MUC4: variants seen among roughly 807,000 people sequenced by gnomAD.
MUC4 encodes the protein mucin-4.
A neutral mutation model predicts 257.9 loss-of-function variants in MUC4; 202 were observed. That is an observed-to-expected ratio of 0.78 (90% CI 0.70 to 0.88). The LOEUF is 0.88. Ranked by LOEUF, MUC4 falls within the 40% of genes least tolerant of loss-of-function variation. MUC4 has a pLI of 0.00. For missense variants in MUC4, 5,976 were observed against 6,513.7 expected (o/e 0.92, Z 2.84); for synonymous variants, 2,351 against 2,757.1 (o/e 0.85, Z 4.62).
Position 195,789,038 on chromosome 3 carries a change from G to T in MUC4, c.2542C>A (p.Leu848Met), listed in dbSNP as rs1217712509. 2 of 1,613,738 alleles carry T rather than the reference G, an allele frequency of 1.2e-6. No homozygotes were observed. Among genetic ancestry groups the T allele is most frequent in the African/African-American group, 1.3e-5 (1 of 74,890 alleles). Residue 848 changes from leucine (L) to methionine (M), a missense_variant, in exon 2 of 25, where the codon CTG becomes ATG. Transcript: ENST00000463781. Reference protein sequence around the residue: ...SHTTQSTTELLSASASHGAIP... With the variant: ...SHTTQSTTELMSASASHGAIP... ...GCACCATGACTGGCTGAGGCGGACA[G>T]CAATTCGGTTGTTGACTGGGTTGTG... is the stretch of plus-strand genomic sequence containing the variant.
rs1560224138 is a variant in MUC4, at chr3:195,754,123, GGAGA to G, written c.15328+86_15328+89del. On this transcript the variant is annotated intron_variant, in intron 19 of 24. Transcript: ENST00000463781. ...GCATTCTAAAGATCTGCTGGAAAAAGGAGAGAAATGGTTTGCCTTTGGCTGTCTA... is the reference window on the plus strand; with the variant it reads ...GCATTCTAAAGATCTGCTGGAAAAAGGAAATGGTTTGCCTTTGGCTGTCTA... 1.7e-5 allele frequency: 24 copies of G among 1,450,124 alleles called. No individual in the cohort carries two copies. The East Asian group carries it at 5.7e-4, about 34-fold the overall frequency. 89.8% of individuals were successfully genotyped at this position (1,450,124 alleles called of 1,614,324 possible). A position where few individuals can be genotyped will look rare whatever the true frequency, so the allele number is the denominator to read the frequency against.
At chr3:195,763,284 C>T in intron 12 of MUC4, 149 bp downstream of exon 12, 1 of 834,506 alleles carries the variant, frequency 1.2e-6, no homozygotes, top group Non-Finnish European at 1.7e-6. Flanking sequence ...CCAGGATTTA[C>T]TCCGGGACAG....
chr3:195,768,308 G>A (rs1037458780), intron 7 of MUC4, among the ~76,000 whole-genome samples: 3 of 152,172 alleles, frequency 2.0e-5, no homozygotes, highest in Admixed American at 6.5e-5. Context: ...AAGACATGTG[G>A]CCTTCGTACT....
In MUC4 at chr3:195,769,065, C is replaced by G; in HGVS notation, c.13486G>C (p.Val4496Leu). ...ACCGGGTTGCCTGAGCGCTGGGCCACGTCCCACTGCATCCCACCGCTCTGG... is the reference window on the plus strand; with the variant it reads ...ACCGGGTTGCCTGAGCGCTGGGCCAGGTCCCACTGCATCCCACCGCTCTGG... ...LYQSGGMQWDVAQRSGNPVLM... is the reference protein window; with the variant it reads ...LYQSGGMQWDLAQRSGNPVLM... Residue 4496 changes from valine to leucine, a missense_variant, in exon 7 of 25, where the codon GTG (valine) becomes CTG (leucine). Coordinates refer to ENST00000463781, the MANE Select transcript of MUC4 (RefSeq NM_018406.7). The G allele has an allele frequency of 6.2e-7, 1 of 1,614,102 alleles. No homozygotes were observed. The highest frequency in any genetic ancestry group is 1.7e-5 in the Admixed American group (1 of 60,024).
chr3:195,751,688 G>T, intron 21 of MUC4: 1 of 280,564 alleles, frequency 3.6e-6, no homozygotes, highest in Non-Finnish European at 6.8e-6. Flanking sequence ...GCATTGTCTG[G>T]CGCAGGTGAC....
At chr3:195,748,425 G>T (rs1282864730) in intron 24 of MUC4, among the ~76,000 whole-genome samples, 1 of 152,252 alleles carries the variant, frequency 6.6e-6, no homozygotes, top group Non-Finnish European at 1.5e-5. Context: ...TCAGCTGGGC[G>T]TGGTGGTGCA....
chr3:195,766,827 C>G, intron 7 of MUC4, 76 bp from the exon 8 acceptor site: 1 of 1,347,470 alleles, frequency 7.4e-7, no homozygotes, highest in South Asian at 1.2e-5. Context: ...GTCCATTCAT[C>G]CCGCTAGCCG....
Position 195,786,405 on chromosome 3 carries a change from G to T in MUC4, c.5175C>A (p.Asp1725Glu), listed in dbSNP as rs1236069957. The T allele has an allele frequency of 1.3e-6, 2 of 1,533,038 alleles. No homozygotes were observed. The highest frequency in any genetic ancestry group is 2.8e-5 in the African/African-American group (2 of 70,898). The allele number at this position is 1,533,038 out of a possible 1,614,324, so 95.0% of individuals were successfully genotyped here. A position where few individuals can be genotyped will look rare whatever the true frequency, so the allele number is the denominator to read the frequency against. The change falls in exon 2 of 25, where the codon GAC (aspartate) becomes GAA (glutamate). Residue 1725 changes from aspartate to glutamate, a missense_variant. Physicochemically the swap from Asp to Glu is conservative, Grantham distance 45. Coordinates refer to ENST00000463781, the MANE Select transcript of MUC4 (RefSeq NM_018406.7). ...GGCTAGTGACAGGAAGAGGCGTGGTGTCACCTGTGGATACTGAGGAAAGGC... is the reference window on the plus strand; with the variant it reads ...GGCTAGTGACAGGAAGAGGCGTGGTTTCACCTGTGGATACTGAGGAAAGGC... ...VTSLSSVSTG[D>E]TTPLPVTSPS...
chr3:195,754,770 C>G (rs1173619186), intron 18 of MUC4, among the ~76,000 whole-genome samples: 1 of 152,086 alleles, frequency 6.6e-6, no homozygotes, highest in African/African-American at 2.4e-5. Context: ...ATGTATGTAT[C>G]CATGTATGTA....
intron 19 of MUC4, chr3:195,753,911 C>T (rs1310591902): frequency 1.4e-5 from 5 of 362,516 alleles, no homozygotes; most frequent in African/African-American, 2.1e-5. Context: ...TTCAGTCTTT[C>T]GCCCGGGGCT....
chr3:195,784,615 G>A lies in MUC4; in HGVS notation c.6965C>T (p.Pro2322Leu), dbSNP rs202186297. 1.6e-4 allele frequency: 214 copies of A among 1,321,294 alleles called. 15 individuals are homozygous for A. In the African/African-American group the frequency reaches 4.7e-3, roughly 29 times the overall value. The allele number at this position is 1,321,294 out of a possible 1,614,324, so 81.8% of individuals were successfully genotyped here. A position where few individuals can be genotyped will look rare whatever the true frequency, so the allele number is the denominator to read the frequency against. Residue 2322 changes from proline (P) to leucine (L), a missense_variant, in exon 2 of 25, where the codon CCT (proline) becomes CTT (leucine). Coordinates refer to ENST00000463781, the MANE Select transcript of MUC4 (RefSeq NM_018406.7). ...SASTGHATPL[P>L]VTSLSSASTG... The stretch of plus-strand genomic sequence containing the variant: ...GGATGCTGAGGAAAGGCTGGTGACA[G>A]GAAGAGGGGTGGCGTGACCTGTGGA...
chr3:195,804,613 G>C (rs916181268), intron 1 of MUC4, among the ~76,000 whole-genome samples: 3 of 152,260 alleles, frequency 2.0e-5, no homozygotes, highest in African/African-American at 7.2e-5. Context: ...CTTTCCTGGA[G>C]GGGAATTACT....
chr3:195,793,363 GT>G, intron 1 of MUC4, among the ~76,000 whole-genome samples: 1 of 152,054 alleles, frequency 6.6e-6, no homozygotes, highest in African/African-American at 2.4e-5. Context: ...ATAGCTGGGC[GT>G]GGTGGTGGGT....
rs1732770227 is a variant in MUC4 at position 195,787,642 on chromosome 3, A to G, written c.3938T>C (p.Leu1313Pro). 1 of 742,348 alleles carries G rather than the reference A, an allele frequency of 1.3e-6. No homozygotes were observed. The highest frequency in any genetic ancestry group is 1.9e-6 in the Non-Finnish European group (1 of 524,026). 46.0% of individuals were successfully genotyped at this position (742,348 alleles called of 1,614,324 possible). A position where few individuals can be genotyped will look rare whatever the true frequency, so the allele number is the denominator to read the frequency against. Residue 1313 changes from leucine to proline, a missense_variant, in exon 2 of 25, where the codon CTT (leucine) becomes CCT (proline). Around this residue, in one of 44 missense-constraint regions of MUC4, gnomAD observed 19 missense variants for 57.2 expected, o/e 0.33. Transcript: ENST00000463781. Reference protein sequence around the residue: ...SSASTGHATPLPVTSLSSAST... With the variant: ...SSASTGHATPPPVTSLSSAST... ...TGCTGAGGAAAGGCTGGTGACAGGA[A>G]GAGGGGTGGCGTGACCTGTGGATGC...
At position 195,756,998 on chromosome 3, in the gene MUC4, G is replaced by A. The variant is rs1408471225; in HGVS notation, c.15168+149C>T. The A allele has an allele frequency of 5.1e-6, 4 of 780,120 alleles. No homozygotes were observed. In the Admixed American group the frequency reaches 1.1e-4, roughly 22 times the overall value. 48.3% of individuals were successfully genotyped at this position (780,120 alleles called of 1,614,324 possible). A position where few individuals can be genotyped will look rare whatever the true frequency, so the allele number is the denominator to read the frequency against. On this transcript the variant is annotated intron_variant, in intron 18 of 24. Transcript: ENST00000463781. ...TTCTTCCCATGTGAGTTTGTGGCCT[G>A]AGACTGGAATCTGCTCTACTCACCT...
intron 17 of MUC4, among the ~76,000 whole-genome samples, chr3:195,758,573 C>CTTTTT (rs55860315): frequency 3.2e-5 from 4 of 126,472 alleles, no homozygotes; most frequent in Admixed American, 8.1e-5. Context: ...ATCTTCAAAT[C>CTTTTT]TTTTTTTTGA....
At chr3:195,758,632 A>G (rs1025615831) in intron 17 of MUC4, among the ~76,000 whole-genome samples, 2 of 141,460 alleles carry the variant, frequency 1.4e-5, no homozygotes, top group Admixed American at 1.5e-4. Context: ...ACGCGATCTC[A>G]GCTCACTGCA....
Position 195,810,041 on chromosome 3 carries a change from T to C in MUC4, c.82+1695A>G, listed in dbSNP as rs1736495403. 1.3e-5 allele frequency: 2 copies of C among 151,800 alleles called. No individual in the cohort carries two copies. The highest frequency in any genetic ancestry group is 4.8e-5 in the African/African-American group (2 of 41,274). 9.4% of individuals were successfully genotyped at this position (151,800 alleles called of 1,614,324 possible). On this transcript the variant is annotated intron_variant, in intron 1 of 24. Transcript: ENST00000463781. The surrounding 1 kb of genome is among the most constrained non-coding windows in gnomAD (Gnocchi z 4.2). ...CAACCACATCTGCAGGGCAGGGCCG[T>C]GTGGCGGCTCCTTCCGGCCTCCACG...
Position 195,778,173 on chromosome 3 carries a change from G to T in MUC4, c.12943+130C>A, listed in dbSNP as rs75089339. 7.9e-3 allele frequency: 9,869 copies of T among 1,250,620 alleles called. 592 individuals are homozygous for T. In the African/African-American group the frequency reaches 0.13, roughly 17 times the overall value. 77.5% of individuals were successfully genotyped at this position (1,250,620 alleles called of 1,614,324 possible). ...AAAGCCAGCCCTCAGGAGCGACTCC[G>T]ATGCTGTGTCCCTGTCCTCGGTAAG... is the stretch of plus-strand genomic sequence containing the variant. On this transcript the variant is annotated intron_variant, in intron 3 of 24. Transcript: ENST00000463781.
Sources: gnomAD v4.1 joint callset for allele counts (sites outside exome capture counted in the v4.1 genomes callset) on GRCh38, gnomAD v4.1.1 for gene constraint, gnomAD v4.1.1 regional missense constraint, Gnocchi (gnomAD v3.1) non-coding constraint, MANE v1.5 for transcripts, NCBI Gene and HGNC (gene_info 2026-07-23, HGNC 2026-07-21) for gene names.